The following FLNB variants were observed in gnomAD, a reference collection of about 807,000 sequenced individuals.
FLNB encodes filamin B.
A neutral mutation model predicts 250.6 loss-of-function variants in FLNB; 111 were observed. That is an observed-to-expected ratio of 0.44 (90% CI 0.38 to 0.52). The LOEUF is 0.52. Among genes scored for constraint, FLNB ranks in the 20% least tolerant of loss-of-function variants. FLNB has a pLI of 0.00. For missense variants in FLNB, 2,869 were observed against 3,447.8 expected, an observed-to-expected ratio of 0.83 and a Z score of 4.20; for synonymous variants, 1,302 against 1,372.1, an observed-to-expected ratio of 0.95 and a Z score of 1.13.
chr3:58,147,135 G>T, intron 34 of FLNB, 142 bp downstream of exon 34: 1 of 783,548 alleles, frequency 1.3e-6, no homozygotes, highest in Non-Finnish European at 2.1e-6. Flanking sequence ...GAGGAGCAGG[G>T]GATGGAATGC....
intron 41 of FLNB, among the ~76,000 whole-genome samples, chr3:58,159,202 A>G (rs1334126207): frequency 6.6e-6 from 1 of 152,134 alleles, no homozygotes; most frequent in Non-Finnish European, 1.5e-5. Context: ...GTATCCTCTT[A>G]AAAGAGGACA....
intron 1 of FLNB, among the ~76,000 whole-genome samples, chr3:58,063,283 C>A (rs528908842): frequency 6.6e-6 from 1 of 152,206 alleles, no homozygotes; most frequent in Non-Finnish European, 1.5e-5. Flanking sequence ...CCACCCATCC[C>A]TGCACCATGC....
At chr3:58,084,656 G>A (rs1157524094) in intron 4 of FLNB, among the ~76,000 whole-genome samples, 1 of 152,014 alleles carries the variant, frequency 6.6e-6, no homozygotes, top group African/African-American at 2.4e-5. Context: ...TTTAAGTGTG[G>A]CATTAAGTGT....
intron 1 of FLNB, among the ~76,000 whole-genome samples, chr3:58,063,980 C>G (rs943862768): frequency 6.6e-6 from 1 of 151,582 alleles, no homozygotes; most frequent in African/African-American, 2.4e-5. Context: ...TTTTTTCTTC[C>G]TTTAAAAGGT....
At chr3:58,122,184 AAAAC>A in intron 20 of FLNB, among the ~76,000 whole-genome samples, 1 of 147,742 alleles carries the variant, frequency 6.8e-6, no homozygotes, top group Non-Finnish European at 1.5e-5. Context: ...AAAAAAAAAA[AAAAC>A]CACAAAAAAA....
At position 58,132,759 on chromosome 3, in the gene FLNB, G is replaced by A. The variant is rs761032612; in HGVS notation, c.4391-49G>A. The A allele has an allele frequency of 3.1e-6, 5 of 1,613,408 alleles. No individual in the cohort carries two copies. The African/African-American group carries it at 5.3e-5, about 17-fold the overall frequency. On this transcript the variant is annotated intron_variant, in intron 25 of 45. Transcript: ENST00000295956. ...TATTTCAGACTCAGCCAAGGGTGGA[G>A]TAAAGGTGAGGCCAGGCAGCTCCTT...
intron 8 of FLNB, among the ~76,000 whole-genome samples, chr3:58,100,373 A>AAAATAT: frequency 2.9e-5 from 3 of 104,346 alleles, no homozygotes; most frequent in African/African-American, 1.4e-4. Context: ...GTAAAAAAAA[A>AAAATAT]ATATATATAT....
intron 1 of FLNB, among the ~76,000 whole-genome samples, chr3:58,059,189 A>C (rs533898090): frequency 6.6e-6 from 1 of 152,300 alleles, no homozygotes; most frequent in South Asian, 2.1e-4. Flanking sequence ...CTTTTCTAAG[A>C]GGTGGTACTG....
chr3:58,029,836 G>T (rs2097128402), intron 1 of FLNB, among the ~76,000 whole-genome samples: 1 of 143,858 alleles, frequency 7.0e-6, no homozygotes, highest in Admixed American at 7.1e-5. Flanking sequence ...TGGGAGTCAG[G>T]CACCTCTGGG....
At position 58,168,668 on chromosome 3, in the gene FLNB, A is replaced by C. The variant is rs1300477624; in HGVS notation, c.7417+10A>C. The C allele has an allele frequency of 2.5e-6, 4 of 1,597,726 alleles. No homozygotes were observed. The highest frequency in any genetic ancestry group is 4.5e-5 in the East Asian group (2 of 44,802). ...AAGGCCAAGGTGACAGGTAACGAAC[A>C]ACCACCTTCGGAGTTACTCTCCCTT... is the stretch of plus-strand genomic sequence containing the variant. On this transcript the variant is annotated intron_variant, in intron 44 of 45. Transcript: ENST00000295956.
In FLNB at chr3:58,149,872, G is replaced by A. The variant is rs1559730956; in HGVS notation, c.6114G>A (p.Ala2038=). The change falls in exon 37 of 46, where the codon GCG becomes GCA. Residue 2038 remains alanine (A), a synonymous_variant. Coordinates refer to ENST00000295956, the MANE Select transcript of FLNB (RefSeq NM_001457.4). ...CAGGTTATGGTGGCATATCCTTGGCGGTGGAAGGCCCCAGCAAAGTGGACA... is the reference window on the plus strand; with the variant it reads ...CAGGTTATGGTGGCATATCCTTGGCAGTGGAAGGCCCCAGCAAAGTGGACA... ...RDAGYGGISL[A]VEGPSKVDIQ... The A allele has an allele frequency of 4.3e-6, 7 of 1,614,248 alleles. No individual in the cohort carries two copies. The highest frequency in any genetic ancestry group is 4.5e-5 in the East Asian group (2 of 44,884).
chr3:58,017,227 T>C (rs2106695064), intron 1 of FLNB, among the ~76,000 whole-genome samples: 1 of 152,270 alleles, frequency 6.6e-6, no homozygotes, highest in Non-Finnish European at 1.5e-5. Context: ...CCACTTAGTA[T>C]CACAATTTAT....
At chr3:58,025,954 C>T (rs1237751290) in intron 1 of FLNB, among the ~76,000 whole-genome samples, 2 of 152,184 alleles carry the variant, frequency 1.3e-5, no homozygotes, top group Admixed American at 6.6e-5. Flanking sequence ...TTCTGCCTTA[C>T]AGAGTTCTTA....
chr3:58,145,731 C>T (rs1326862324), intron 32 of FLNB, among the ~76,000 whole-genome samples, 190 bp from the exon 33 acceptor site: 1 of 152,142 alleles, frequency 6.6e-6, no homozygotes, highest in Admixed American at 6.5e-5. Flanking sequence ...AATAATACTG[C>T]GTAGACCCTC....
intron 1 of FLNB, among the ~76,000 whole-genome samples, chr3:58,020,874 A>G (rs2097112990): frequency 6.6e-6 from 1 of 152,012 alleles, no homozygotes; most frequent in African/African-American, 2.4e-5. Context: ...AAGATGAAAG[A>G]TGGCAAGCAG....
chr3:58,135,063 A>G (rs1008171307), intron 27 of FLNB, among the ~76,000 whole-genome samples: 9 of 151,966 alleles, frequency 5.9e-5, no homozygotes, highest in Admixed American at 2.6e-4. Flanking sequence ...ATGTTGCCCA[A>G]TCTGGTCTTG....
Position 58,138,548 on chromosome 3 carries a change from C to G in FLNB, c.5109+19C>G. The G allele has an allele frequency of 6.2e-7, 1 of 1,613,976 alleles. No individual in the cohort carries two copies. The highest frequency in any genetic ancestry group is 8.5e-7 in the Non-Finnish European group (1 of 1,179,986). On this transcript the variant is annotated intron_variant, in intron 29 of 45. Transcript: ENST00000295956. ...TGTCATGGTAAGGAAAATTCCTTCT[C>G]CCGAGCATGCTGTTATTGGTGGAAA...
At chr3:58,057,555 G>T (rs923781181) in intron 1 of FLNB, among the ~76,000 whole-genome samples, 1 of 151,980 alleles carries the variant, frequency 6.6e-6, no homozygotes, top group African/African-American at 2.4e-5. Context: ...GATGATGGCT[G>T]CTGGGCTAGG....
chr3:58,103,856 G>A (rs2097254892), intron 9 of FLNB, 103 bp from the exon 10 acceptor site: 21 of 1,406,840 alleles, frequency 1.5e-5, no homozygotes, highest in Non-Finnish European at 2.1e-5. Context: ...TTTATGTATG[G>A]TTTATGTTTT....
Sources: allele counts gnomAD v4.1 joint callset (sites outside exome capture counted in the v4.1 genomes callset), GRCh38; gene constraint gnomAD v4.1.1; transcripts MANE v1.5; gene names NCBI Gene and HGNC (gene_info 2026-07-23, HGNC 2026-07-21).